The following CAGE1 variants were observed in gnomAD, a reference collection of about 807,000 sequenced individuals.
CAGE1 encodes the protein cancer-associated gene 1 protein.
A neutral mutation model predicts 94.9 loss-of-function variants in CAGE1; 66 were observed. That is an observed-to-expected ratio of 0.70 (90% CI 0.57 to 0.85). CAGE1 has a LOEUF of 0.85. Ranked by LOEUF, CAGE1 falls within the 40% of genes least tolerant of loss-of-function variation. The pLI, the probability that CAGE1 is intolerant of heterozygous loss-of-function variation, is 0.00. For synonymous variants in CAGE1, 319 were observed against 321.0 expected, an observed-to-expected ratio of 0.99 and a Z score of 0.07; for missense variants, 865 against 950.4, an observed-to-expected ratio of 0.91 and a Z score of 1.18.
intron 11 of CAGE1, among the ~76,000 whole-genome samples, chr6:7,348,030 G>A (rs1288512594): frequency 6.6e-6 from 1 of 151,440 alleles, no homozygotes; most frequent in African/African-American, 2.4e-5. Context: ...GGGAGTTCTA[G>A]GGCCCTGCTC....
chr6:7,341,897 G>A lies in CAGE1; in HGVS notation c.2370-7807C>T, dbSNP rs747470867. 6 of 693,398 alleles carry A rather than the reference G, an allele frequency of 8.7e-6. No homozygotes were observed. In the Admixed American group the frequency reaches 8.9e-5, roughly 10 times the overall value. 43.0% of individuals were successfully genotyped at this position (693,398 alleles called of 1,614,324 possible). ...AGGAACGGGTGCCCTCTCCAATCAG[G>A]GTACTGCAGCAAGATGTCCTCAATG... is the stretch of plus-strand genomic sequence containing the variant. On this transcript the variant is annotated intron_variant, in intron 11 of 13. Coordinates refer to ENST00000502583, the MANE Select transcript of CAGE1 (RefSeq NM_001170692.2).
intron 11 of CAGE1, among the ~76,000 whole-genome samples, chr6:7,343,060 G>T (rs1759246687): frequency 6.6e-6 from 1 of 151,908 alleles, no homozygotes; most frequent in Non-Finnish European, 1.5e-5. Context: ...GTGGTGGTGG[G>T]TGCCTGTAAT....
intron 11 of CAGE1, among the ~76,000 whole-genome samples, chr6:7,348,911 T>C (rs746380414): frequency 6.6e-6 from 1 of 152,170 alleles, no homozygotes; most frequent in Non-Finnish European, 1.5e-5. Flanking sequence ...AAGTCTGGGA[T>C]ATGTTAAACG....
rs142259191 is a variant in CAGE1, at chr6:7,344,260, G to T, written c.2370-10170C>A. Among the ~76,000 whole-genome samples the T allele has an allele frequency of 1.0e-3, 157 of 152,334 alleles. 1 individual carries two copies. The highest frequency in any genetic ancestry group is 3.7e-3 in the African/African-American group (154 of 41,578). On this transcript the variant is annotated intron_variant, in intron 11 of 13. Coordinates refer to ENST00000502583, the MANE Select transcript of CAGE1 (RefSeq NM_001170692.2). The stretch of plus-strand genomic sequence containing the variant: ...AACCGGGGCTGGGCGTGGCGCTTGC[G>T]GGCCAGCTGGAGTTCCGGGTAGGCG...
chr6:7,342,171 C>G lies in CAGE1; in HGVS notation c.2370-8081G>C, dbSNP rs939456875. Reference sequence around the variant, plus strand: ...GGGGAACTGGATCAGGCTGCCTGGACAGTTGGGCCCCCTGCCCATATCTGA... The same window carrying G: ...GGGGAACTGGATCAGGCTGCCTGGAGAGTTGGGCCCCCTGCCCATATCTGA... On this transcript the variant is annotated intron_variant, in intron 11 of 13. Transcript: ENST00000502583. 12 of 1,016,582 alleles carry G rather than the reference C, an allele frequency of 1.2e-5. 1 individual carries two copies. The highest frequency in any genetic ancestry group is 1.7e-5 in the Admixed American group (1 of 58,752). The allele number at this position is 1,016,582 out of a possible 1,614,324, so 63.0% of individuals were successfully genotyped here. A position where few individuals can be genotyped will look rare whatever the true frequency, so the allele number is the denominator to read the frequency against.
intron 11 of CAGE1, among the ~76,000 whole-genome samples, chr6:7,337,141 T>C (rs1165490120): frequency 6.6e-6 from 1 of 151,778 alleles, no homozygotes; most frequent in African/African-American, 2.4e-5. Context: ...GCCAACATGG[T>C]GAAACCCCGT....
At chr6:7,340,031 C>T (rs1759108109) in intron 11 of CAGE1, among the ~76,000 whole-genome samples, 1 of 152,170 alleles carries the variant, frequency 6.6e-6, no homozygotes, top group African/African-American at 2.4e-5. Flanking sequence ...TTTACTTTTC[C>T]ACCAGCAGTG....
At chr6:7,348,273 C>T (rs1207697572) in intron 11 of CAGE1, among the ~76,000 whole-genome samples, 1 of 152,162 alleles carries the variant, frequency 6.6e-6, no homozygotes, top group African/African-American at 2.4e-5. Context: ...CCCCCAGTAC[C>T]AGCCTGGTGC....
chr6:7,367,678 T>C (rs1171597171), intron 7 of CAGE1, among the ~76,000 whole-genome samples: 2 of 152,156 alleles, frequency 1.3e-5, no homozygotes, highest in Non-Finnish European at 2.9e-5. Flanking sequence ...CATACTTTGG[T>C]CCTGTCCTCT....
chr6:7,380,930 A>G (rs1476585568), intron 3 of CAGE1, among the ~76,000 whole-genome samples: 2 of 152,188 alleles, frequency 1.3e-5, no homozygotes, highest in Non-Finnish European at 2.9e-5. Context: ...ATTACTCTCC[A>G]AAGTGTACCA....
chr6:7,335,011 C>T (rs1758901969), intron 11 of CAGE1, among the ~76,000 whole-genome samples: 1 of 152,232 alleles, frequency 6.6e-6, no homozygotes, highest in African/African-American at 2.4e-5. Context: ...CCTCTAGAAG[C>T]TCGAGAGGAG....
chr6:7,389,225 T>C lies in CAGE1; in HGVS notation c.-47A>G. 1 of 456,172 alleles carries C rather than the reference T, an allele frequency of 2.2e-6. No individual in the cohort carries two copies. The highest frequency in any genetic ancestry group is 4.4e-6 in the Non-Finnish European group (1 of 226,904). 28.3% of individuals were successfully genotyped at this position (456,172 alleles called of 1,614,324 possible). The stretch of plus-strand genomic sequence containing the variant: ...ACCTTTTTAAAAAGCACTTATCTCA[T>C]TCATTTTTCACCTCAAAACGAGACA... On this transcript the variant is annotated 5_prime_UTR_variant, in exon 1 of 14. It removes an upstream start codon present in the reference 5' UTR. Coordinates refer to ENST00000502583, the MANE Select transcript of CAGE1 (RefSeq NM_001170692.2).
At chr6:7,356,184 T>C in intron 9 of CAGE1, 55 bp from the exon 10 acceptor site, 1 of 914,150 alleles carries the variant, frequency 1.1e-6, no homozygotes, top group Non-Finnish European at 1.7e-6. Flanking sequence ...GAAAGCTATA[T>C]ATGGATGCCA....
chr6:7,331,615 C>T (rs774533364), intron 12 of CAGE1: 13 of 291,958 alleles, frequency 4.5e-5, no homozygotes, highest in Non-Finnish European at 8.3e-5. Flanking sequence ...GTATGCAACT[C>T]TACGCTGTTT....
intron 11 of CAGE1, among the ~76,000 whole-genome samples, chr6:7,343,797 G>A (rs112954573): frequency 2.4e-4 from 36 of 152,270 alleles, no homozygotes; most frequent in African/African-American, 8.4e-4. Context: ...AAAATGGGAA[G>A]CCAGGACAGG....
chr6:7,364,343 T>TA (rs796307165), intron 9 of CAGE1, among the ~76,000 whole-genome samples: 13 of 152,346 alleles, frequency 8.5e-5, no homozygotes, highest in African/African-American at 2.6e-4. Flanking sequence ...AACAGTTATT[T>TA]ATGTATCTTA....
intron 11 of CAGE1, among the ~76,000 whole-genome samples, chr6:7,345,086 T>G (rs1043304636): frequency 6.6e-6 from 1 of 152,014 alleles, no homozygotes; most frequent in African/African-American, 2.4e-5. Context: ...TCTTTCACCC[T>G]GCAGTAAATC....
chr6:7,341,331 G>A, intron 11 of CAGE1: 1 of 692,566 alleles, frequency 1.4e-6, no homozygotes, highest in Admixed American at 1.8e-5. Flanking sequence ...ATCCTTACTG[G>A]TGTCCCAGAT....
intron 9 of CAGE1, among the ~76,000 whole-genome samples, chr6:7,360,824 G>A (rs933955423): frequency 1.3e-5 from 2 of 152,096 alleles, no homozygotes; most frequent in African/African-American, 4.8e-5. Context: ...GTGCACGCCT[G>A]TATTCTCAGC....
Sources: allele counts gnomAD v4.1 joint callset (sites outside exome capture counted in the v4.1 genomes callset), GRCh38; gene constraint gnomAD v4.1.1; transcripts MANE v1.5; gene names NCBI Gene and HGNC (gene_info 2026-07-23, HGNC 2026-07-21).